PCM1: variants seen among roughly 807,000 people sequenced by gnomAD.
PCM1 encodes pericentriolar material 1 protein.
A neutral mutation model predicts 241.9 loss-of-function variants in PCM1; 157 were observed. That is an observed-to-expected ratio of 0.65 (90% confidence interval 0.57 to 0.74). PCM1 has a LOEUF of 0.74. Ranked by LOEUF, PCM1 falls within the 30% of genes least tolerant of loss-of-function variation. PCM1 has a pLI of 0.00. For synonymous variants in PCM1, 1,085 were observed against 784.9 expected, an observed-to-expected ratio of 1.38 and a Z score of -6.39; for missense variants, 3,478 against 2,360.1, an observed-to-expected ratio of 1.47 and a Z score of -9.81.
intron 27 of PCM1, 33 bp from the exon 28 acceptor site, chr8:17,991,509 C>A: frequency 6.5e-7 from 1 of 1,538,666 alleles, no homozygotes; most frequent in Non-Finnish European, 8.8e-7. Context: ...TTCACTTTTA[C>A]ATACTCAAAA....
Position 17,983,865 on chromosome 8 carries a change from G to C in PCM1, c.4109-1582G>C, listed in dbSNP as rs959978167. On this transcript the variant is annotated intron_variant, in intron 24 of 38. Coordinates refer to ENST00000325083, the MANE Select transcript of PCM1 (RefSeq NM_006197.4). Reference sequence around the variant, plus strand: ...ATGAATGAAAAGTAAAAGCCAGTTTGAATGGAACCTTTAGGGGAATCTAAA... The same window carrying C: ...ATGAATGAAAAGTAAAAGCCAGTTTCAATGGAACCTTTAGGGGAATCTAAA... 4.6e-5 allele frequency among the ~76,000 whole-genome samples: 7 copies of C among 152,092 alleles called. No individual in the cohort carries two copies. In the East Asian group the frequency reaches 1.3e-3, roughly 29 times the overall value.
intron 22 of PCM1, among the ~76,000 whole-genome samples, chr8:17,971,986 C>T (rs150219416): frequency 1.3e-5 from 2 of 152,162 alleles, no homozygotes; most frequent in Admixed American, 6.6e-5. Flanking sequence ...CTCAAGCATT[C>T]CTCCTGCCTC....
Position 17,960,958 on chromosome 8 carries a change from T to C in PCM1, c.2322+514T>C, listed in dbSNP as rs115081600. Among the ~76,000 whole-genome samples the C allele has an allele frequency of 5.8e-3, 885 of 152,282 alleles. 5 individuals carry two copies. Among genetic ancestry groups the C allele is most frequent in the African/African-American group, 0.02 (843 of 41,548 alleles). On this transcript the variant is annotated intron_variant, in intron 15 of 38. Coordinates refer to ENST00000325083, the MANE Select transcript of PCM1 (RefSeq NM_006197.4). ...GGAATTGACTCATTATTTTCATTCT[T>C]ACTGGGCTGGCTGGCCATAGATTCA... is the stretch of plus-strand genomic sequence containing the variant.
chr8:17,927,393 G>A (rs2057402554), intron 2 of PCM1: 1 of 152,036 alleles, frequency 6.6e-6, no homozygotes, highest in Non-Finnish European at 1.5e-5. Context: ...GGGATCACAA[G>A]TGTGAGCCAC....
intron 7 of PCM1, among the ~76,000 whole-genome samples, chr8:17,947,823 A>G (rs898600494): frequency 1.4e-4 from 22 of 152,180 alleles, no homozygotes; most frequent in African/African-American, 5.1e-4. Context: ...CTGTTATTTT[A>G]ATTAGGTATC....
intron 30 of PCM1, among the ~76,000 whole-genome samples, chr8:18,007,089 C>G (rs771969478): frequency 5.3e-5 from 8 of 152,166 alleles, no homozygotes; most frequent in Non-Finnish European, 1.2e-4. Context: ...ATAAAATTAC[C>G]TTGTTTATTC....
At chr8:17,956,532 A>C (rs751324783) in intron 10 of PCM1, 72 bp from the exon 11 acceptor site, 1 of 912,792 alleles carries the variant, frequency 1.1e-6, no homozygotes, top group Non-Finnish European at 1.7e-6. Context: ...AGCTGCTATG[A>C]TATGAAAATA....
chr8:18,017,821 C>G (rs991029529), intron 36 of PCM1, among the ~76,000 whole-genome samples: 3 of 152,044 alleles, frequency 2.0e-5, no homozygotes, highest in Non-Finnish European at 4.4e-5. Context: ...CCATTGCACT[C>G]CAGCCTGGGC....
intron 10 of PCM1, 142 bp downstream of exon 10, chr8:17,955,795 G>T (rs2068090950): frequency 4.5e-6 from 3 of 672,850 alleles, no homozygotes; most frequent in Admixed American, 4.7e-5. Flanking sequence ...GAAGAGGCGT[G>T]TGTGTGTTGT....
Position 17,972,609 on chromosome 8 carries a change from G to T in PCM1, c.3865G>T (p.Ala1289Ser). ...AAAAGCGTCTGCACAGGCCAGCCTG[G>T]CATCTAAAGATAAAACTCCCAAGTC... ...TRKASAQASLASKDKTPKSKS... is the reference protein window; with the variant it reads ...TRKASAQASLSSKDKTPKSKS... The change falls in exon 23 of 39, where the codon GCA (alanine) becomes TCA (serine). Residue 1289 changes from alanine (A) to serine (S), a missense_variant. By Grantham distance (99) the Ala-to-Ser change is moderately conservative. Coordinates refer to ENST00000325083, the MANE Select transcript of PCM1 (RefSeq NM_006197.4). 1 of 1,591,068 alleles carries T rather than the reference G, an allele frequency of 6.3e-7. No homozygotes were observed. The highest frequency in any genetic ancestry group is 1.2e-5 in the South Asian group (1 of 85,480).
At chr8:17,925,810 C>G (rs1307864199) in intron 2 of PCM1, 1 of 152,082 alleles carries the variant, frequency 6.6e-6, no homozygotes, top group African/African-American at 2.4e-5. Flanking sequence ...GCACCCCAGC[C>G]TAGGCAACAG....
At chr8:18,007,763 G>A (rs1252218753) in intron 30 of PCM1, among the ~76,000 whole-genome samples, 3 of 152,016 alleles carry the variant, frequency 2.0e-5, no homozygotes, top group African/African-American at 4.8e-5. Context: ...TCTGAAACCC[G>A]TTCAAGAATT....
At chr8:17,928,240 A>G (rs1296014358) in intron 2 of PCM1, among the ~76,000 whole-genome samples, 2 of 152,194 alleles carry the variant, frequency 1.3e-5, no homozygotes, top group Non-Finnish European at 2.9e-5. Context: ...ACTGCTGGAA[A>G]AAAATATCTG....
In PCM1 at chr8:17,964,747, A is replaced by G. The variant is rs1469249885; in HGVS notation, c.2834A>G (p.Asn945Ser). 1 of 1,613,020 alleles carries G rather than the reference A, an allele frequency of 6.2e-7. No individual in the cohort carries two copies. The highest frequency in any genetic ancestry group is 1.3e-5 in the African/African-American group (1 of 75,038). Reference sequence around the variant, plus strand: ...AACAGTGTGAATCATAACTCCTACAATGGAAAGGAAACTAAAAATAGGTTA... The same window carrying G: ...AACAGTGTGAATCATAACTCCTACAGTGGAAAGGAAACTAAAAATAGGTTA... ...PSNSVNHNSY[N>S]GKETKNRWKN... The change falls in exon 18 of 39, where the codon AAT becomes AGT. Residue 945 changes from asparagine to serine, a missense_variant. By Grantham distance (46) the Asn-to-Ser change is conservative. Coordinates refer to ENST00000325083, the MANE Select transcript of PCM1 (RefSeq NM_006197.4).
intron 22 of PCM1, among the ~76,000 whole-genome samples, chr8:17,970,155 C>G (rs1249698242): frequency 6.6e-6 from 1 of 151,922 alleles, no homozygotes; most frequent in Non-Finnish European, 1.5e-5. Context: ...ATGTTGAGTA[C>G]TATTAGATTA....
Position 18,029,784 on chromosome 8 carries a change from A to AT in PCM1, c.*2123dup. 1 of 196,078 alleles carries AT rather than the reference A, an allele frequency of 5.1e-6. No individual in the cohort carries two copies. Among genetic ancestry groups the AT allele is most frequent in the South Asian group, 1.9e-4 (1 of 5,222 alleles). 12.1% of individuals were successfully genotyped at this position (196,078 alleles called of 1,614,324 possible). ...AGTTAAAAATTTTGGTTACAGATAG[A>AT]TAGAGGGAGAAAAGTTCAAAATGAG... On this transcript the variant is annotated 3_prime_UTR_variant, in exon 39 of 39. Transcript: ENST00000325083.
intron 36 of PCM1, chr8:18,015,694 G>A (rs1312709818): frequency 6.6e-6 from 1 of 152,058 alleles, no homozygotes; most frequent in Non-Finnish European, 1.5e-5. Context: ...ATTTTATTGT[G>A]TCTCAGATTT....
intron 23 of PCM1, among the ~76,000 whole-genome samples, chr8:17,979,158 T>A (rs2129474617): frequency 6.6e-6 from 1 of 151,978 alleles, no homozygotes; most frequent in African/African-American, 2.4e-5. Flanking sequence ...AGCAGTTATT[T>A]GAGTGTAATA....
chr8:17,981,158 C>T (rs543966512), intron 24 of PCM1, among the ~76,000 whole-genome samples: 2 of 152,162 alleles, frequency 1.3e-5, no homozygotes, highest in African/African-American at 4.8e-5. Context: ...TCCTTCCTGC[C>T]TCTCCAGACT....
Sources: gnomAD v4.1 joint callset for allele counts (sites outside exome capture counted in the v4.1 genomes callset) on GRCh38, gnomAD v4.1.1 for gene constraint, MANE v1.5 for transcripts, NCBI Gene and HGNC (gene_info 2026-07-23, HGNC 2026-07-21) for gene names.